Variants in GAB2 observed in about 807,000 individuals in gnomAD.
GAB2 encodes the protein GRB2-associated-binding protein 2.
Under a neutral mutation model 65.5 loss-of-function variants are expected in GAB2, and 26 were observed. The ratio of observed to expected loss-of-function variants is 0.40; its 90% CI spans 0.29 to 0.55. The LOEUF is 0.55. GAB2 is among the 20% of genes least tolerant of loss of function. The probability of loss-of-function intolerance (pLI) is 0.53; values close to 1 mark genes in which losing one functional copy is unlikely to be tolerated. For synonymous variants in GAB2, 321 were observed against 329.6 expected (o/e 0.97, Z 0.28); for missense variants, 884 against 875.8 (o/e 1.01, Z -0.12).
intron 1 of GAB2, among the ~76,000 whole-genome samples, chr11:78,409,682 C>T (rs1217603994): frequency 6.6e-6 from 1 of 152,136 alleles, no homozygotes; most frequent in Non-Finnish European, 1.5e-5. Context: ...GAAACTTCAA[C>T]CCCTGTCTCT....
At chr11:78,238,206 C>CAAAAAAAAAAAAAAAAAAA (rs10541492) in intron 3 of GAB2, among the ~76,000 whole-genome samples, 3 of 104,806 alleles carry the variant, frequency 2.9e-5, no homozygotes, top group Non-Finnish European at 3.9e-5. Flanking sequence ...AGGGAAGAAA[C>CAAAAAAAAAAAAAAAAAAA]AAAAAAAAAA....
At chr11:78,319,461 G>A (rs1225921794) in intron 1 of GAB2, among the ~76,000 whole-genome samples, 1 of 152,182 alleles carries the variant, frequency 6.6e-6, no homozygotes, top group Non-Finnish European at 1.5e-5. Context: ...TGCAGTACTA[G>A]TTGGGGAAAA....
Position 78,417,715 on chromosome 11 carries a change from G to A in GAB2, c.6C>T (p.Ser2=), listed in dbSNP as rs752120036. 10 of 1,334,460 alleles carry A rather than the reference G, an allele frequency of 7.5e-6. No homozygotes were observed. The highest frequency in any genetic ancestry group is 9.8e-6 in the Non-Finnish European group (10 of 1,016,458). The allele number at this position is 1,334,460 out of a possible 1,614,324, so 82.7% of individuals were successfully genotyped here. The change falls in exon 1 of 10, where the codon AGC becomes AGT. Residue 2 remains serine (S), a synonymous_variant. Coordinates refer to ENST00000361507, the MANE Select transcript of GAB2 (RefSeq NM_080491.3). M[S]GGGDVVCTGW... is the part of the protein sequence containing the mutation. ...CGGTGCACACCACGTCGCCGCCGCC[G>A]CTCATGCTGCCGGCCTGGAGCCCCC...
intron 1 of GAB2, among the ~76,000 whole-genome samples, chr11:78,313,089 T>C (rs1855534011): frequency 1.3e-5 from 2 of 152,218 alleles, no homozygotes; most frequent in African/African-American, 4.8e-5. Flanking sequence ...GCAAGTTCCT[T>C]GGGCTAAGAT....
intron 2 of GAB2, 109 bp downstream of exon 2, chr11:78,280,492 G>C: frequency 1.1e-6 from 1 of 880,208 alleles, no homozygotes; most frequent in Non-Finnish European, 1.8e-6. Flanking sequence ...CTTTATCTAT[G>C]AACGCTCTTC....
chr11:78,300,848 C>G (rs1866999004), intron 1 of GAB2, among the ~76,000 whole-genome samples: 1 of 151,994 alleles, frequency 6.6e-6, no homozygotes, highest in South Asian at 2.1e-4. Context: ...GTACCTGCCA[C>G]CATGCCCAGC....
chr11:78,268,007 G>C (rs1273763821), intron 2 of GAB2, among the ~76,000 whole-genome samples: 4 of 151,998 alleles, frequency 2.6e-5, no homozygotes, highest in East Asian at 1.9e-4. Flanking sequence ...AGCCCTGCAG[G>C]TCCCTGTTTT....
In GAB2 at chr11:78,226,467, C is replaced by T. The variant is rs777112393; in HGVS notation, c.1205G>A (p.Arg402Gln). The change falls in exon 4 of 10, where the codon CGA (arginine) becomes CAA (glutamine). Residue 402 changes from arginine to glutamine, a missense_variant and splice_region_variant. Coordinates refer to ENST00000361507, the MANE Select transcript of GAB2 (RefSeq NM_080491.3). ...LPAMDNSRLH[R>Q]ASSCETYEYP... is the part of the protein sequence containing the mutation. ...TCTCAGCTAGGACTTATACTGACCTCGGTGAAGTCGGCTGTTGTCCATTGC... is the reference window on the plus strand; with the variant it reads ...TCTCAGCTAGGACTTATACTGACCTTGGTGAAGTCGGCTGTTGTCCATTGC... 10 of 1,611,332 alleles carry T rather than the reference C, an allele frequency of 6.2e-6. No individual in the cohort carries two copies. The South Asian group carries it at 7.7e-5, about 12-fold the overall frequency.
intron 2 of GAB2, among the ~76,000 whole-genome samples, chr11:78,264,644 G>A (rs1223646335): frequency 6.7e-6 from 1 of 149,324 alleles, no homozygotes; most frequent in African/African-American, 2.6e-5. Flanking sequence ...TGACCCTCAG[G>A]TGGTTTATCT....
At chr11:78,268,402 A>G (rs1307597840) in intron 2 of GAB2, among the ~76,000 whole-genome samples, 1 of 152,182 alleles carries the variant, frequency 6.6e-6, no homozygotes, top group Non-Finnish European at 1.5e-5. Context: ...TTTAATCGTA[A>G]TCAAGATCTT....
chr11:78,249,865 G>A (rs1273713106), intron 3 of GAB2, among the ~76,000 whole-genome samples: 3 of 150,746 alleles, frequency 2.0e-5, no homozygotes, highest in South Asian at 2.1e-4. Context: ...TTTGCAATTC[G>A]GAAACTGTGT....
intron 1 of GAB2, among the ~76,000 whole-genome samples, chr11:78,411,386 T>C (rs937473056): frequency 3.3e-5 from 5 of 152,058 alleles, no homozygotes; most frequent in Non-Finnish European, 2.9e-5. Context: ...GTAAAGATAA[T>C]AGAATAGCTA....
chr11:78,300,358 A>G (rs1024413785), intron 1 of GAB2, among the ~76,000 whole-genome samples: 4 of 146,748 alleles, frequency 2.7e-5, no homozygotes, highest in Non-Finnish European at 5.9e-5. Flanking sequence ...ATTGAGGGAT[A>G]ATAAATAAGG....
intron 1 of GAB2, among the ~76,000 whole-genome samples, chr11:78,345,400 T>C (rs1856164837): frequency 6.6e-6 from 1 of 152,184 alleles, no homozygotes; most frequent in South Asian, 2.1e-4. Context: ...AAGGCAATCC[T>C]GCGAAGGTTT....
intron 1 of GAB2, among the ~76,000 whole-genome samples, chr11:78,291,860 A>T (rs1313170428): frequency 2.0e-5 from 3 of 151,842 alleles, no homozygotes; most frequent in Non-Finnish European, 4.4e-5. Flanking sequence ...CACTGTACCC[A>T]GCCCCTTATG....
At chr11:78,297,769 G>A (rs977275952) in intron 1 of GAB2, among the ~76,000 whole-genome samples, 1 of 152,078 alleles carries the variant, frequency 6.6e-6, no homozygotes, top group Admixed American at 6.5e-5. Context: ...AAATGAGCTT[G>A]AGAACCATGT....
intron 1 of GAB2, among the ~76,000 whole-genome samples, chr11:78,302,148 A>G (rs1867040095): frequency 6.6e-6 from 1 of 152,250 alleles, no homozygotes; most frequent in Non-Finnish European, 1.5e-5. Flanking sequence ...TTTCATGACC[A>G]TGAACCCAAA....
chr11:78,294,516 G>A (rs1338407585), intron 1 of GAB2, among the ~76,000 whole-genome samples: 1 of 152,188 alleles, frequency 6.6e-6, no homozygotes, highest in Non-Finnish European at 1.5e-5. Flanking sequence ...GGCTGAACTA[G>A]TTTACAGTCC....
chr11:78,405,752 T>C (rs1002038895), intron 1 of GAB2, among the ~76,000 whole-genome samples: 1 of 152,114 alleles, frequency 6.6e-6, no homozygotes, highest in Non-Finnish European at 1.5e-5. Context: ...AATGACACAG[T>C]GATAAATTCC....
Sources: gnomAD v4.1 joint callset for allele counts (sites outside exome capture counted in the v4.1 genomes callset) on GRCh38, gnomAD v4.1.1 for gene constraint, MANE v1.5 for transcripts, NCBI Gene and HGNC (gene_info 2026-07-23, HGNC 2026-07-21) for gene names.